CTTNBP2: variants seen among roughly 807,000 people sequenced by gnomAD.
CTTNBP2 encodes the protein cortactin-binding protein 2.
A neutral mutation model predicts 156.9 loss-of-function variants in CTTNBP2; 108 were observed. The observed-to-expected ratio is 0.69, with a 90% CI of 0.59 to 0.81. The LOEUF (loss-of-function observed/expected upper bound fraction) is 0.81. CTTNBP2 is among the 30% of genes least tolerant of loss of function. The pLI, the probability that CTTNBP2 is intolerant of heterozygous loss-of-function variation, is 0.00. For synonymous variants in CTTNBP2, 767 were observed against 751.8 expected, an observed-to-expected ratio of 1.02 and a Z score of -0.33; for missense variants, 1,924 against 2,035.4, an observed-to-expected ratio of 0.95 and a Z score of 1.05.
At chr7:117,863,381 T>C (rs914508420) in intron 1 of CTTNBP2, among the ~76,000 whole-genome samples, 1 of 152,188 alleles carries the variant, frequency 6.6e-6, no homozygotes, top group African/African-American at 2.4e-5. Context: ...AACAGTAAAA[T>C]CCAATGTACC....
intron 2 of CTTNBP2, 134 bp downstream of exon 2, chr7:117,861,075 G>A: frequency 1.6e-6 from 1 of 627,656 alleles, no homozygotes; most frequent in Non-Finnish European, 2.9e-6. Flanking sequence ...TGTTTGGGGT[G>A]AAGAGCACAT....
At chr7:117,805,307 C>A (rs980750001) in intron 3 of CTTNBP2, among the ~76,000 whole-genome samples, 25 of 152,056 alleles carry the variant, frequency 1.6e-4, no homozygotes, top group Non-Finnish European at 7.4e-5. Context: ...ACTTTTCTAG[C>A]AGTAAGGAAG....
At chr7:117,780,971 A>C (rs1798404687) in intron 6 of CTTNBP2, among the ~76,000 whole-genome samples, 1 of 152,238 alleles carries the variant, frequency 6.6e-6, no homozygotes, top group Admixed American at 6.5e-5. Flanking sequence ...CACTGAAAAA[A>C]GGCTGCTGAG....
At chr7:117,750,874 T>G (rs149931112) in intron 12 of CTTNBP2, among the ~76,000 whole-genome samples, 1 of 152,286 alleles carries the variant, frequency 6.6e-6, no homozygotes, top group Non-Finnish European at 1.5e-5. Context: ...TGAAAGGAGA[T>G]CTGTTCTTTG....
intron 2 of CTTNBP2, among the ~76,000 whole-genome samples, chr7:117,838,708 A>G (rs758200119): frequency 8.5e-5 from 13 of 152,140 alleles, no homozygotes; most frequent in Non-Finnish European, 1.8e-4. Flanking sequence ...GGCAAGTCAT[A>G]TATCACCTTT....
chr7:117,824,544 C>T (rs1464724890), intron 2 of CTTNBP2, among the ~76,000 whole-genome samples: 1 of 152,154 alleles, frequency 6.6e-6, no homozygotes, highest in African/African-American at 2.4e-5. Context: ...TGCTGATATA[C>T]TTTAAGTTCT....
At chr7:117,850,209 G>A (rs1164438270) in intron 2 of CTTNBP2, among the ~76,000 whole-genome samples, 3 of 152,092 alleles carry the variant, frequency 2.0e-5, no homozygotes, top group African/African-American at 7.2e-5. Flanking sequence ...ATATACAATA[G>A]CCTCCCCTTA....
intron 6 of CTTNBP2, 56 bp from the exon 7 acceptor site, chr7:117,780,647 CACCTA>C: frequency 1.8e-6 from 2 of 1,094,006 alleles, no homozygotes; most frequent in Non-Finnish European, 2.6e-6. Context: ...TTTGAAGCAC[CACCTA>C]ACCAAGATAT....
At chr7:117,718,675 C>T (rs923195573) in intron 21 of CTTNBP2, among the ~76,000 whole-genome samples, 3 of 152,144 alleles carry the variant, frequency 2.0e-5, no homozygotes, top group African/African-American at 7.2e-5. Context: ...GATTTCAGGT[C>T]ACTGTTTTCC....
At chr7:117,743,912 T>C (rs1796166537) in intron 14 of CTTNBP2, among the ~76,000 whole-genome samples, 2 of 152,000 alleles carry the variant, frequency 1.3e-5, no homozygotes, top group Non-Finnish European at 2.9e-5. Context: ...GCCTGTGTAG[T>C]ACAGTGATAT....
intron 2 of CTTNBP2, among the ~76,000 whole-genome samples, chr7:117,835,796 G>C (rs1366426254): frequency 6.6e-6 from 1 of 152,176 alleles, no homozygotes; most frequent in Admixed American, 6.5e-5. Context: ...CACAACGGGG[G>C]CTCTGGTTTT....
chr7:117,731,995 T>A (rs1350963477), intron 16 of CTTNBP2, among the ~76,000 whole-genome samples: 1 of 152,176 alleles, frequency 6.6e-6, no homozygotes, highest in Non-Finnish European at 1.5e-5. Context: ...TTCAAAAAAG[T>A]TTTTTTAACT....
chr7:117,865,118 G>T (rs1431016812), intron 1 of CTTNBP2, among the ~76,000 whole-genome samples: 1 of 151,434 alleles, frequency 6.6e-6, no homozygotes, highest in African/African-American at 2.4e-5. Flanking sequence ...ATAAAAGATT[G>T]CCTTGATAAT....
intron 2 of CTTNBP2, among the ~76,000 whole-genome samples, chr7:117,855,158 T>C (rs973213827): frequency 1.3e-5 from 2 of 152,180 alleles, no homozygotes; most frequent in Admixed American, 1.3e-4. Context: ...TGCAAGTGGT[T>C]GGGCTCAGTT....
intron 22 of CTTNBP2, chr7:117,712,405 G>A (rs1357516247): frequency 6.6e-6 from 1 of 152,206 alleles, no homozygotes; most frequent in Non-Finnish European, 1.5e-5. Flanking sequence ...AGCTGGATAG[G>A]TAAGATGATT....
chr7:117,721,868 T>C (rs1305963774), intron 19 of CTTNBP2, among the ~76,000 whole-genome samples: 1 of 152,220 alleles, frequency 6.6e-6, no homozygotes. Flanking sequence ...TGGTTGAAGT[T>C]TGAGAAACAC....
intron 2 of CTTNBP2, among the ~76,000 whole-genome samples, chr7:117,836,565 AAAAAC>A (rs1362340908): frequency 1.3e-5 from 2 of 152,216 alleles, no homozygotes; most frequent in African/African-American, 2.4e-5. Context: ...TCTGTCTCAA[AAAAAC>A]AAAACAAAAC....
intron 22 of CTTNBP2, among the ~76,000 whole-genome samples, chr7:117,716,307 A>ATGTT (rs1794373129): frequency 6.6e-6 from 1 of 151,668 alleles, no homozygotes; most frequent in Admixed American, 6.6e-5. Flanking sequence ...GGGTATGACA[A>ATGTT]TGTTTGTTTC....
chr7:117,804,618 CAG>C (rs1273901823), intron 3 of CTTNBP2, among the ~76,000 whole-genome samples: 1 of 152,176 alleles, frequency 6.6e-6, no homozygotes, highest in African/African-American at 2.4e-5. Context: ...ACATACTTTG[CAG>C]AGACATGGAT....
Sources: allele counts gnomAD v4.1 joint callset (sites outside exome capture counted in the v4.1 genomes callset), GRCh38; gene constraint gnomAD v4.1.1; transcripts MANE v1.5; gene names NCBI Gene and HGNC (gene_info 2026-07-23, HGNC 2026-07-21).